Variants in DCC observed in about 807,000 individuals in gnomAD.
DCC encodes DCC netrin 1 receptor.
Under a neutral mutation model 172.5 loss-of-function variants are expected in DCC, and 58 were observed. That is an observed-to-expected ratio of 0.34 (90% CI 0.27 to 0.42). DCC has a LOEUF of 0.42. Ranked by LOEUF, DCC falls within the 10% of genes least tolerant of loss-of-function variation. The pLI is 1.00. For synonymous variants in DCC, 709 were observed against 644.5 expected (o/e 1.10, Z -1.52); for missense variants, 1,740 against 1,791.0 (o/e 0.97, Z 0.51).
intron 2 of DCC, among the ~76,000 whole-genome samples, chr18:52,876,994 A>G (rs115650722): frequency 0.015 from 2,305 of 152,324 alleles, 42 homozygotes; most frequent in African/African-American, 0.039. Context: ...TATGTTTTTA[A>G]TATAATTGTG....
At chr18:53,456,520 C>A (rs969364888) in intron 23 of DCC, among the ~76,000 whole-genome samples, 2 of 152,138 alleles carry the variant, frequency 1.3e-5, no homozygotes, top group African/African-American at 4.8e-5. Context: ...GAAAAACTAG[C>A]TTTAAAATAC....
chr18:52,757,602 C>T (rs1398594016), intron 2 of DCC, among the ~76,000 whole-genome samples: 1 of 151,948 alleles, frequency 6.6e-6, no homozygotes, highest in East Asian at 1.9e-4. Flanking sequence ...CTGGGGATGG[C>T]GTGGGACAGG....
intron 1 of DCC, among the ~76,000 whole-genome samples, chr18:52,714,972 T>C (rs1370962319): frequency 6.6e-6 from 1 of 152,198 alleles, no homozygotes; most frequent in East Asian, 1.9e-4. Context: ...GAATTCCTTA[T>C]TCCATCTAAG....
At chr18:53,137,787 G>A (rs1367451334) in intron 7 of DCC, among the ~76,000 whole-genome samples, 1 of 151,870 alleles carries the variant, frequency 6.6e-6, no homozygotes, top group East Asian at 1.9e-4. Context: ...TTAGCAGAAT[G>A]TCATTCAATT....
At chr18:52,628,805 C>T (rs1598968640) in intron 1 of DCC, among the ~76,000 whole-genome samples, 1 of 152,306 alleles carries the variant, frequency 6.6e-6, no homozygotes, top group South Asian at 2.1e-4. Flanking sequence ...GAACTTCTGT[C>T]TCAGATTCAG....
chr18:53,226,948 A>ATATATATATATTTTTTTT, intron 12 of DCC, among the ~76,000 whole-genome samples: 10 of 52,950 alleles, frequency 1.9e-4, no homozygotes, highest in African/African-American at 9.4e-4. Context: ...ATATATATAT[A>ATATATATATATTTTTTTT]TTTTTTTTTT....
At chr18:52,843,146 A>G (rs1307967461) in intron 2 of DCC, among the ~76,000 whole-genome samples, 1 of 152,184 alleles carries the variant, frequency 6.6e-6, no homozygotes, top group African/African-American at 2.4e-5. Context: ...TATAGCAAGA[A>G]CTTGTATCTT....
At chr18:52,940,059 G>T (rs1434197085) in intron 5 of DCC, among the ~76,000 whole-genome samples, 1 of 152,168 alleles carries the variant, frequency 6.6e-6, no homozygotes, top group Non-Finnish European at 1.5e-5. Flanking sequence ...AACCTGTAGG[G>T]TTGGGTCCCA....
chr18:52,772,092 C>T (rs1167308976), intron 2 of DCC, among the ~76,000 whole-genome samples: 4 of 152,042 alleles, frequency 2.6e-5, no homozygotes, highest in Non-Finnish European at 5.9e-5. Context: ...TTTTTACTTA[C>T]TAGAGTTGAA....
chr18:53,507,501 T>G (rs2144510421), intron 27 of DCC, among the ~76,000 whole-genome samples: 1 of 152,326 alleles, frequency 6.6e-6, no homozygotes, highest in African/African-American at 2.4e-5. Flanking sequence ...AAACATCTTG[T>G]GTGTGTTCCA....
chr18:52,531,618 C>A (rs1439481620), intron 1 of DCC, among the ~76,000 whole-genome samples: 1 of 151,978 alleles, frequency 6.6e-6, no homozygotes, highest in Non-Finnish European at 1.5e-5. Context: ...TGATCTATAG[C>A]CTGTCTGGTC....
At chr18:53,026,707 T>C (rs2041959527) in intron 5 of DCC, among the ~76,000 whole-genome samples, 1 of 152,146 alleles carries the variant, frequency 6.6e-6, no homozygotes, top group South Asian at 2.1e-4. Flanking sequence ...AGGTGCGTGC[T>C]GCCATACCTG....
At chr18:52,688,552 G>A (rs983489236) in intron 1 of DCC, among the ~76,000 whole-genome samples, 4 of 152,102 alleles carry the variant, frequency 2.6e-5, no homozygotes, top group South Asian at 4.1e-4. Flanking sequence ...GCAAGTCTAG[G>A]CATCTGATGC....
intron 5 of DCC, among the ~76,000 whole-genome samples, chr18:53,023,116 G>C (rs2041904325): frequency 6.6e-6 from 1 of 151,838 alleles, no homozygotes; most frequent in Non-Finnish European, 1.5e-5. Context: ...ACTTTTTCTA[G>C]TTTTGTAATA....
chr18:52,747,097 C>A (rs1054721203), intron 1 of DCC, among the ~76,000 whole-genome samples: 1 of 4,628 alleles, frequency 2.2e-4, no homozygotes, highest in African/African-American at 2.4e-4. Context: ...ATATTTCAAC[C>A]AAAATTTAGA....
At chr18:52,546,805 A>G (rs190774482) in intron 1 of DCC, among the ~76,000 whole-genome samples, 14 of 152,184 alleles carry the variant, frequency 9.2e-5, no homozygotes, top group Admixed American at 9.2e-4. Flanking sequence ...CTGCTTGGCC[A>G]ATTCTCATGC....
At chr18:52,957,498 A>T (rs1361291228) in intron 5 of DCC, among the ~76,000 whole-genome samples, 1 of 152,188 alleles carries the variant, frequency 6.6e-6, no homozygotes, top group African/African-American at 2.4e-5. Context: ...TTTGTAGAAC[A>T]TCTGCTAAAT....
intron 27 of DCC, among the ~76,000 whole-genome samples, chr18:53,518,780 G>T (rs2079601564): frequency 6.6e-6 from 1 of 152,150 alleles, no homozygotes; most frequent in Admixed American, 6.6e-5. Context: ...ATGCACCCTG[G>T]ATAGGGGAAA....
chr18:53,406,716 AG>A (rs1428761595), intron 19 of DCC, among the ~76,000 whole-genome samples: 3,010 of 116,344 alleles, frequency 0.026, 110 homozygotes, highest in African/African-American at 0.06. Context: ...AAAAAAAAAA[AG>A]AAAGAAAGAA....
Sources: allele counts gnomAD v4.1 joint callset (sites outside exome capture counted in the v4.1 genomes callset), GRCh38; gene constraint gnomAD v4.1.1; transcripts MANE v1.5; gene names NCBI Gene and HGNC (gene_info 2026-07-23, HGNC 2026-07-21).